CSTF3: variants seen among roughly 807,000 people sequenced by gnomAD.
CSTF3 encodes the protein cleavage stimulation factor subunit 3, also known as CF-1 77 kDa subunit.
Under a neutral mutation model 105.8 loss-of-function variants are expected in CSTF3, and 29 were observed. The observed-to-expected ratio is 0.27, with a 90% confidence interval of 0.20 to 0.37. The LOEUF (loss-of-function observed/expected upper bound fraction) is 0.37. CSTF3 is among the 10% of genes least tolerant of loss of function. The probability of loss-of-function intolerance (pLI) is 1.00; values close to 1 mark genes in which losing one functional copy is unlikely to be tolerated. For synonymous variants in CSTF3, 252 were observed against 281.9 expected, an observed-to-expected ratio of 0.89 and a Z score of 1.06; for missense variants, 357 against 879.3, an observed-to-expected ratio of 0.41 and a Z score of 7.51.
rs559284457 is a variant in CSTF3 at position 33,111,066 on chromosome 11, T to C, written c.226-2648A>G. On this transcript the variant is annotated intron_variant, in intron 3 of 20. Transcript: ENST00000323959. ...CAACAGAGTGAAACCCCGTGTCTAC[T>C]AAAAATACAAAAAATTAGCTGGACA... Among the ~76,000 whole-genome samples, 6 of 152,016 alleles carry C rather than the reference T, an allele frequency of 3.9e-5. No individual in the cohort carries two copies. The South Asian group carries it at 1.2e-3, about 32-fold the overall frequency.
intron 1 of CSTF3, among the ~76,000 whole-genome samples, chr11:33,155,664 T>C (rs1257952433): frequency 6.6e-6 from 1 of 152,138 alleles, no homozygotes; most frequent in Non-Finnish European, 1.5e-5. Context: ...TTACTATGTA[T>C]CCTAAGTTGT....
chr11:33,140,964 A>G (rs1362619364), intron 3 of CSTF3: 2 of 152,062 alleles, frequency 1.3e-5, no homozygotes, highest in Non-Finnish European at 2.9e-5. Context: ...GTCTTCAAAA[A>G]TTAACATTTT....
chr11:33,114,862 GATAA>G (rs777532951), intron 3 of CSTF3, among the ~76,000 whole-genome samples: 11 of 151,824 alleles, frequency 7.2e-5, no homozygotes, highest in African/African-American at 2.4e-4. Flanking sequence ...AAAAAAAATT[GATAA>G]ATAAATTAAC....
Position 33,099,275 on chromosome 11 carries a change from A to T in CSTF3, c.937-125T>A, listed in dbSNP as rs1855256169. On this transcript the variant is annotated intron_variant, in intron 11 of 20. Transcript: ENST00000323959. The surrounding 1 kb of genome is among the most constrained non-coding windows in gnomAD (Gnocchi z 4.1). The stretch of plus-strand genomic sequence containing the variant: ...TAAGAAAGCATACATGTATGTACAC[A>T]CATATATATGTATCCACACACACAC... The T allele has an allele frequency of 5.1e-6, 6 of 1,172,880 alleles. No homozygotes were observed. The East Asian group carries it at 1.6e-4, about 31-fold the overall frequency. The allele number at this position is 1,172,880 out of a possible 1,614,324, so 72.7% of individuals were successfully genotyped here. A position where few individuals can be genotyped will look rare whatever the true frequency, so the allele number is the denominator to read the frequency against.
intron 1 of CSTF3, among the ~76,000 whole-genome samples, chr11:33,152,689 G>A (rs566128217): frequency 1.3e-5 from 2 of 152,102 alleles, no homozygotes; most frequent in East Asian, 1.9e-4. Context: ...GGCCGGGCGC[G>A]GTGACTCACG....
rs1855223790 is a variant in CSTF3 at position 33,096,426 on chromosome 11, A to G, written c.1273-18T>C. The G allele has an allele frequency of 3.4e-6, 5 of 1,472,492 alleles. No individual in the cohort carries two copies. The Admixed American group carries it at 1.0e-4, about 30-fold the overall frequency. 91.2% of individuals were successfully genotyped at this position (1,472,492 alleles called of 1,614,324 possible). The stretch of plus-strand genomic sequence containing the variant: ...GATTTGTCCTACAAGTAAAGAAAGT[A>G]AAGTACAGATTTCCATGAAATGTCA... On this transcript the variant is annotated intron_variant, in intron 14 of 20. Coordinates refer to ENST00000323959, the MANE Select transcript of CSTF3 (RefSeq NM_001326.3).
intron 9 of CSTF3, 115 bp downstream of exon 9, chr11:33,102,992 T>A (rs1447473578): frequency 1.6e-5 from 11 of 669,088 alleles, no homozygotes; most frequent in Admixed American, 9.3e-5. Context: ...TGCAATTAAT[T>A]GCTGTTAAGA....
At position 33,096,688 on chromosome 11, in the gene CSTF3, T is replaced by G; in HGVS notation, c.1272+147A>C. ...AAGTAGTTGGGGATTTGGATGATGCTCCATAAAATTTTACACAGATACACT... is the reference window on the plus strand; with the variant it reads ...AAGTAGTTGGGGATTTGGATGATGCGCCATAAAATTTTACACAGATACACT... On this transcript the variant is annotated intron_variant, in intron 14 of 20. Transcript: ENST00000323959. 2.8e-6 allele frequency: 2 copies of G among 713,712 alleles called. 1 individual carries two copies. The highest frequency in any genetic ancestry group is 7.8e-4 in the Middle Eastern group (2 of 2,568). The allele number at this position is 713,712 out of a possible 1,614,324, so 44.2% of individuals were successfully genotyped here. A position where few individuals can be genotyped will look rare whatever the true frequency, so the allele number is the denominator to read the frequency against.
In CSTF3 at chr11:33,099,064, A is replaced by C; in HGVS notation, c.1023T>G (p.Leu341=). 6.3e-7 allele frequency: 1 copy of C among 1,575,286 alleles called. No individual in the cohort carries two copies. Residue 341 remains leucine (L), a synonymous_variant, in exon 12 of 21, where the codon CTT becomes CTG. Transcript: ENST00000323959. This position sits in a 1 kb window ranked among gnomAD's most constrained non-coding sequence, Gnocchi z 4.1. ...CATAATCTGCATATGCAAAATAAAG[A>C]AGCATATTCTTCTTCAATAAAGTGC... is the stretch of plus-strand genomic sequence containing the variant. ...AISTLLKKNM[L]LYFAYADYEE...
intron 3 of CSTF3, among the ~76,000 whole-genome samples, chr11:33,111,032 C>A (rs1309647326): frequency 2.6e-5 from 4 of 152,090 alleles, no homozygotes; most frequent in African/African-American, 9.7e-5. Context: ...AGTTCGAGAC[C>A]AGCCTGGCCA....
intron 1 of CSTF3, among the ~76,000 whole-genome samples, chr11:33,150,708 T>C (rs1223933634): frequency 6.6e-6 from 1 of 151,952 alleles, no homozygotes; most frequent in East Asian, 1.9e-4. Context: ...ACGCAAAAAT[T>C]AGCTGGGTGT....
At chr11:33,114,072 TC>T (rs1855407397) in intron 3 of CSTF3, among the ~76,000 whole-genome samples, 1 of 152,192 alleles carries the variant, frequency 6.6e-6, no homozygotes, top group Admixed American at 6.5e-5. Flanking sequence ...AAAACTATCC[TC>T]AGATAAATTA....
chr11:33,089,237 A>G (rs1345313536), intron 17 of CSTF3, among the ~76,000 whole-genome samples: 1 of 151,590 alleles, frequency 6.6e-6, no homozygotes, highest in African/African-American at 2.4e-5. Flanking sequence ...AATCCCAACT[A>G]CTTGGGAGGC....
chr11:33,141,137 G>C (rs1418423327), intron 3 of CSTF3: 2 of 152,078 alleles, frequency 1.3e-5, no homozygotes, highest in South Asian at 4.1e-4. Flanking sequence ...GCTTATTCTT[G>C]CATAATATAA....
intron 18 of CSTF3, among the ~76,000 whole-genome samples, chr11:33,086,626 C>A (rs1855108660): frequency 6.6e-6 from 1 of 152,074 alleles, no homozygotes; most frequent in Non-Finnish European, 1.5e-5. Flanking sequence ...TTAATAAAGA[C>A]AAAGTTTCAC....
chr11:33,111,143 TC>T (rs1855375610), intron 3 of CSTF3, among the ~76,000 whole-genome samples: 1 of 152,050 alleles, frequency 6.6e-6, no homozygotes, highest in Admixed American at 6.5e-5. Flanking sequence ...GGCAGGAGAA[TC>T]ACTTGAACCC....
At chr11:33,155,466 A>G (rs1849851234) in intron 1 of CSTF3, among the ~76,000 whole-genome samples, 1 of 152,086 alleles carries the variant, frequency 6.6e-6, no homozygotes, top group Non-Finnish European at 1.5e-5. Flanking sequence ...AAACTTGCAT[A>G]TTCATCCCCT....
intron 3 of CSTF3, among the ~76,000 whole-genome samples, chr11:33,116,387 T>C (rs927065171): frequency 2.0e-5 from 3 of 152,176 alleles, no homozygotes; most frequent in Admixed American, 6.5e-5. Flanking sequence ...GTATGCTCTA[T>C]GTCCTATAAG....
chr11:33,134,104 C>T (rs966356637), intron 3 of CSTF3, among the ~76,000 whole-genome samples: 1 of 152,128 alleles, frequency 6.6e-6, no homozygotes, highest in Non-Finnish European at 1.5e-5. Context: ...CAGTAAAGCA[C>T]TTATGTCAAG....
Sources: allele counts gnomAD v4.1 joint callset (sites outside exome capture counted in the v4.1 genomes callset), GRCh38; gene constraint gnomAD v4.1.1; non-coding constraint Gnocchi (gnomAD v3.1); transcripts MANE v1.5; gene names NCBI Gene and HGNC (gene_info 2026-07-23, HGNC 2026-07-21).